Variants in SULF1 observed in about 807,000 individuals in gnomAD.
SULF1 encodes the protein extracellular sulfatase Sulf-1.
SULF1 carries 46 observed loss-of-function variants against 110.5 expected under a neutral mutation model. That is an observed-to-expected ratio of 0.42 (90% confidence interval 0.33 to 0.53). SULF1 has a LOEUF of 0.53. Among genes scored for constraint, SULF1 ranks in the 20% least tolerant of loss-of-function variants. SULF1 has a pLI of 0.12. For missense variants in SULF1, 941 were observed against 1,094.2 expected (o/e 0.86, Z 1.98); for synonymous variants, 371 against 387.1 (o/e 0.96, Z 0.49).
At position 69,638,512 on chromosome 8, in the gene SULF1, C is replaced by A; in HGVS notation, c.2295C>A (p.Phe765Leu). 1 of 1,611,986 alleles carries A rather than the reference C, an allele frequency of 6.2e-7. No homozygotes were observed. The highest frequency in any genetic ancestry group is 8.5e-7 in the Non-Finnish European group (1 of 1,179,678). Reference protein sequence around the residue: ...QTAPFWNLGSFCACTSSNNNT... With the variant: ...QTAPFWNLGSLCACTSSNNNT... ...TTTTTTACCCAACAGTGGGATCTTTCTGTGCTTGCACGAGTTCTAACAATA... is the reference window on the plus strand; with the variant it reads ...TTTTTTACCCAACAGTGGGATCTTTATGTGCTTGCACGAGTTCTAACAATA... Residue 765 changes from phenylalanine to leucine, a missense_variant, in exon 20 of 23, where the codon TTC (phenylalanine) becomes TTA (leucine). By Grantham distance (22) the Phe-to-Leu change is conservative. Coordinates refer to ENST00000402687, the MANE Select transcript of SULF1 (RefSeq NM_001128205.2).
At chr8:69,626,957 C>T (rs907119555) in intron 15 of SULF1, among the ~76,000 whole-genome samples, 1 of 152,238 alleles carries the variant, frequency 6.6e-6, no homozygotes. Flanking sequence ...TCAAGTGCCG[C>T]CAAAGTGGGA....
At chr8:69,618,206 G>C (rs1809328176) in intron 13 of SULF1, among the ~76,000 whole-genome samples, 1 of 152,142 alleles carries the variant, frequency 6.6e-6, no homozygotes, top group Non-Finnish European at 1.5e-5. Flanking sequence ...TTAGTCCTTA[G>C]GCTGTTCTTG....
At chr8:69,498,099 G>A (rs1039903745) in intron 2 of SULF1, among the ~76,000 whole-genome samples, 2 of 137,288 alleles carry the variant, frequency 1.5e-5, no homozygotes, top group East Asian at 2.2e-4. Flanking sequence ...CTCTCTCTCT[G>A]TCTCTCTCTC....
intron 22 of SULF1, among the ~76,000 whole-genome samples, chr8:69,641,794 C>T (rs951886581): frequency 2.0e-5 from 3 of 152,072 alleles, no homozygotes; most frequent in African/African-American, 7.2e-5. Flanking sequence ...AGTGTCAACA[C>T]AGCACCAAGA....
chr8:69,613,342 C>G (rs547132742), intron 13 of SULF1, among the ~76,000 whole-genome samples: 293 of 142,078 alleles, frequency 2.1e-3, no homozygotes, highest in African/African-American at 7.3e-3. Context: ...TTGGTGTAGC[C>G]AATTTTTGGG....
intron 13 of SULF1, among the ~76,000 whole-genome samples, chr8:69,616,368 C>T (rs986699800): frequency 2.7e-5 from 4 of 148,824 alleles, no homozygotes; most frequent in Admixed American, 2.0e-4. Context: ...TATAGGCATG[C>T]GCCGCCACCT....
chr8:69,641,570 T>TA (rs930457906), intron 22 of SULF1, among the ~76,000 whole-genome samples: 4 of 151,554 alleles, frequency 2.6e-5, no homozygotes, highest in Admixed American at 6.6e-5. Flanking sequence ...CAAAGTGAGA[T>TA]AAAAAAAAAT....
In SULF1 at chr8:69,624,147, A is replaced by T; in HGVS notation, c.1800A>T (p.Ala600=). The T allele has an allele frequency of 1.2e-6, 2 of 1,611,520 alleles. No homozygotes were observed. Among genetic ancestry groups the T allele is most frequent in the Non-Finnish European group, 1.7e-6 (2 of 1,178,144 alleles). ...SSGGNRGRML[A]DSSNAVGPPT... is the part of the protein sequence containing the mutation. The stretch of plus-strand genomic sequence containing the variant: ...GTGGCAACAGGGGCAGGATGCTGGC[A>T]GATAGCAGCAACGCCGTGGGCCCAC... Residue 600 remains alanine (A), a synonymous_variant, in exon 15 of 23, where the codon GCA becomes GCT. Coordinates refer to ENST00000402687, the MANE Select transcript of SULF1 (RefSeq NM_001128205.2).
rs73287679 is a variant in SULF1 at position 69,499,685 on chromosome 8, G to A, written c.-228-2189G>A. ...GCATACACATATCAGCAGGAACTTAGGCTGCCTCTGTTCTTTCTTCAATAG... is the reference window on the plus strand; with the variant it reads ...GCATACACATATCAGCAGGAACTTAAGCTGCCTCTGTTCTTTCTTCAATAG... On this transcript the variant is annotated intron_variant, in intron 2 of 22. Transcript: ENST00000402687. Among the ~76,000 whole-genome samples, 1,034 of 152,246 alleles carry A rather than the reference G, an allele frequency of 6.8e-3. 13 individuals are homozygous for A. Among genetic ancestry groups the A allele is most frequent in the African/African-American group, 0.023 (968 of 41,546 alleles).
At chr8:69,559,638 C>T (rs888846011) in intron 3 of SULF1, among the ~76,000 whole-genome samples, 1 of 152,146 alleles carries the variant, frequency 6.6e-6, no homozygotes, top group African/African-American at 2.4e-5. Flanking sequence ...CTAAAAAATT[C>T]TTTTAAGTAA....
Position 69,628,447 on chromosome 8 carries a change from G to C in SULF1, c.2108+211G>C, listed in dbSNP as rs4588864. On this transcript the variant is annotated intron_variant, in intron 18 of 22. Transcript: ENST00000402687. ...GCTCTTGGCATCCTTTGTTGGGGAGGCTTGCTGAACTCCACTGTCATTCTG... is the reference window on the plus strand; with the variant it reads ...GCTCTTGGCATCCTTTGTTGGGGAGCCTTGCTGAACTCCACTGTCATTCTG... 0.68 allele frequency among the ~76,000 whole-genome samples: 103,818 copies of C among 151,958 alleles called. 35,978 individuals carry two copies. The highest frequency in any genetic ancestry group is 0.77 in the African/African-American group (32,026 of 41,452).
rs558131068 is a variant in SULF1 at position 69,524,888 on chromosome 8, T to C, written c.-134+22920T>C. Among the ~76,000 whole-genome samples, 97 of 152,278 alleles carry C rather than the reference T, an allele frequency of 6.4e-4. 1 individual carries two copies. Among genetic ancestry groups the C allele is most frequent in the African/African-American group, 2.2e-3 (92 of 41,560 alleles). ...AAAAGGAATCCAATTTACACGTAGA[T>C]GGTCTAGGCTTACTTTATGACAATA... On this transcript the variant is annotated intron_variant, in intron 3 of 22. Coordinates refer to ENST00000402687, the MANE Select transcript of SULF1 (RefSeq NM_001128205.2).
chr8:69,618,202 C>T (rs1809327737), intron 13 of SULF1, among the ~76,000 whole-genome samples: 1 of 152,166 alleles, frequency 6.6e-6, no homozygotes, highest in Admixed American at 6.5e-5. Flanking sequence ...TAACTTAGTC[C>T]TTAGGCTGTT....
intron 13 of SULF1, among the ~76,000 whole-genome samples, chr8:69,620,363 C>T (rs1468400652): frequency 6.6e-6 from 1 of 152,176 alleles, no homozygotes. Flanking sequence ...AATCCCTGTC[C>T]CCATTTAGGG....
At chr8:69,489,571 C>CTTTTT (rs61391745), upstream of SULF1, among the ~76,000 whole-genome samples, 61 of 91,952 alleles carry the variant, frequency 6.6e-4, no homozygotes, top group Middle Eastern at 7.4e-3. Context: ...CTTTCTTTCT[C>CTTTTT]TTTTTTTTTT....
chr8:69,612,336 A>T (rs1396951856), intron 13 of SULF1, among the ~76,000 whole-genome samples: 1 of 152,154 alleles, frequency 6.6e-6, no homozygotes, highest in Non-Finnish European at 1.5e-5. Flanking sequence ...TCCTTTTCAT[A>T]TAATGACTTC....
At chr8:69,639,960 C>T (rs1811334281) in intron 21 of SULF1, among the ~76,000 whole-genome samples, 1 of 152,110 alleles carries the variant, frequency 6.6e-6, no homozygotes, top group Admixed American at 6.6e-5. Context: ...AGTTGTCAGT[C>T]AAGAGCAGAC....
In SULF1 at chr8:69,594,581, G is replaced by A. The variant is rs984281650; in HGVS notation, c.734+5440G>A. Among the ~76,000 whole-genome samples, 5 of 152,206 alleles carry A rather than the reference G, an allele frequency of 3.3e-5. No homozygotes were observed. In the South Asian group the frequency reaches 1.0e-3, roughly 32 times the overall value. On this transcript the variant is annotated intron_variant, in intron 8 of 22. Coordinates refer to ENST00000402687, the MANE Select transcript of SULF1 (RefSeq NM_001128205.2). ...CCTCTGTGTAAGCCACAGGACAAAG[G>A]TTTTGAAACACCTTTGTTATCTAAA...
intron 1 of SULF1, among the ~76,000 whole-genome samples, chr8:69,470,159 G>T (rs539518415): frequency 6.6e-6 from 1 of 152,108 alleles, no homozygotes; most frequent in South Asian, 2.1e-4. Flanking sequence ...CAGGACATCC[G>T]GTTTTTTTTC....
Sources: allele counts gnomAD v4.1 joint callset (sites outside exome capture counted in the v4.1 genomes callset), GRCh38; gene constraint gnomAD v4.1.1; transcripts MANE v1.5; gene names NCBI Gene and HGNC (gene_info 2026-07-23, HGNC 2026-07-21).